BBOX1: variants seen among roughly 807,000 people sequenced by gnomAD.
BBOX1 encodes gamma-butyrobetaine dioxygenase.
Under a neutral mutation model 41.6 loss-of-function variants are expected in BBOX1, and 35 were observed. The observed-to-expected ratio is 0.84, with a 90% CI of 0.64 to 1.11. BBOX1 has a LOEUF of 1.11. BBOX1 is among the 50% of genes most tolerant of loss of function. BBOX1 has a pLI of 0.00. For missense variants in BBOX1, 458 were observed against 460.6 expected, an observed-to-expected ratio of 0.99 and a Z score of 0.05; for synonymous variants, 163 against 154.7, an observed-to-expected ratio of 1.05 and a Z score of -0.40.
At chr11:27,093,960 CTG>C (rs1590207125) in intron 5 of BBOX1, among the ~76,000 whole-genome samples, 1 of 151,948 alleles carries the variant, frequency 6.6e-6, no homozygotes, top group African/African-American at 2.4e-5. Context: ...AGATGAAAGA[CTG>C]TGTTTCTCCA....
chr11:27,093,862 T>A (rs1032824746), intron 5 of BBOX1, among the ~76,000 whole-genome samples: 5 of 151,922 alleles, frequency 3.3e-5, no homozygotes, highest in African/African-American at 1.2e-4. Context: ...TCCTATTAGC[T>A]TAGGGCCCAG....
intron 4 of BBOX1, among the ~76,000 whole-genome samples, chr11:27,089,992 G>C (rs1858181717): frequency 6.6e-6 from 1 of 151,942 alleles, no homozygotes; most frequent in Admixed American, 6.6e-5. Flanking sequence ...AATGGGAGTG[G>C]CAAAGCAAAC....
intron 4 of BBOX1, among the ~76,000 whole-genome samples, chr11:27,076,423 A>G (rs544418927): frequency 1.3e-5 from 2 of 152,322 alleles, no homozygotes; most frequent in East Asian, 3.9e-4. Context: ...CAACGGTGAT[A>G]GCTGAGGTAA....
intron 5 of BBOX1, among the ~76,000 whole-genome samples, chr11:27,112,576 ATGGTTC>A (rs766547518): frequency 6.6e-5 from 10 of 152,034 alleles, no homozygotes; most frequent in Non-Finnish European, 1.3e-4. Flanking sequence ...TATTCAATAA[ATGGTTC>A]TGGGATAACT....
chr11:27,106,367 T>C (rs1858863730), intron 5 of BBOX1, among the ~76,000 whole-genome samples: 2 of 151,482 alleles, frequency 1.3e-5, no homozygotes, highest in South Asian at 2.1e-4. Context: ...GAGACACAAA[T>C]AGGCTCAAAA....
At chr11:27,105,619 G>T (rs2134072009) in intron 5 of BBOX1, among the ~76,000 whole-genome samples, 1 of 152,262 alleles carries the variant, frequency 6.6e-6, no homozygotes, top group South Asian at 2.1e-4. Flanking sequence ...ACTTCTGATT[G>T]GGGTACCTGA....
At chr11:27,081,217 G>T (rs751406252) in intron 4 of BBOX1, among the ~76,000 whole-genome samples, 1 of 152,214 alleles carries the variant, frequency 6.6e-6, no homozygotes, top group Admixed American at 6.5e-5. Context: ...CATGAATCCA[G>T]GAGACAAATA....
chr11:27,055,996 A>C (rs1488350171), intron 3 of BBOX1, among the ~76,000 whole-genome samples: 1 of 152,052 alleles, frequency 6.6e-6, no homozygotes, highest in Non-Finnish European at 1.5e-5. Context: ...CTCTCTTCCA[A>C]ATTTACTAGG....
intron 5 of BBOX1, among the ~76,000 whole-genome samples, chr11:27,101,442 C>G (rs1353482611): frequency 1.3e-5 from 2 of 152,064 alleles, no homozygotes; most frequent in East Asian, 1.9e-4. Flanking sequence ...TTGACTGCCT[C>G]CAACTCAAAA....
chr11:27,090,791 C>T (rs1372908987), intron 4 of BBOX1, among the ~76,000 whole-genome samples: 1 of 151,878 alleles, frequency 6.6e-6, no homozygotes, highest in Non-Finnish European at 1.5e-5. Flanking sequence ...ATTCCCAGAG[C>T]AGCCGTTTAT....
At chr11:27,069,064 A>AT (rs1464924164) in intron 4 of BBOX1, among the ~76,000 whole-genome samples, 17 of 148,900 alleles carry the variant, frequency 1.1e-4, no homozygotes, top group Non-Finnish European at 1.9e-4. Flanking sequence ...GCTCTTTTTT[A>AT]TTTTTTTGGT....
At chr11:27,082,472 A>C (rs1312863299) in intron 4 of BBOX1, among the ~76,000 whole-genome samples, 1 of 152,120 alleles carries the variant, frequency 6.6e-6, no homozygotes, top group Admixed American at 6.6e-5. Context: ...GCCAACTCTA[A>C]GGAAGTCTGG....
At chr11:27,067,342 C>A (rs978940245) in intron 4 of BBOX1, among the ~76,000 whole-genome samples, 2 of 151,922 alleles carry the variant, frequency 1.3e-5, no homozygotes, top group Non-Finnish European at 2.9e-5. Context: ...TACGTTGTAA[C>A]GAATATGTCA....
At chr11:27,054,327 T>C (rs1856911273) in intron 2 of BBOX1, among the ~76,000 whole-genome samples, 1 of 152,100 alleles carries the variant, frequency 6.6e-6, no homozygotes, top group African/African-American at 2.4e-5. Flanking sequence ...CTGTTAATGA[T>C]GAGCAGATCA....
chr11:27,070,060 G>T (rs2165770), intron 4 of BBOX1, among the ~76,000 whole-genome samples: 150,189 of 152,252 alleles, frequency 0.99, 74,123 homozygotes, highest in East Asian at 1. Context: ...AATTTCCATG[G>T]GTTTGTATTG....
At chr11:27,105,174 A>T (rs1039337395) in intron 5 of BBOX1, among the ~76,000 whole-genome samples, 2 of 152,182 alleles carry the variant, frequency 1.3e-5, no homozygotes, top group Non-Finnish European at 2.9e-5. Flanking sequence ...AATTCTAAAA[A>T]TCAGAGCACC....
chr11:27,112,421 T>C (rs1427740299), intron 5 of BBOX1, among the ~76,000 whole-genome samples: 1 of 151,824 alleles, frequency 6.6e-6, no homozygotes, highest in Non-Finnish European at 1.5e-5. Context: ...TGAGCAATAG[T>C]TTCAAGAGTG....
At position 27,127,729 on chromosome 11, in the gene BBOX1, CAAAT is replaced by C; in HGVS notation, c.*278_*281del. The stretch of plus-strand genomic sequence containing the variant: ...TATATGAGTATCTCCAGAATGTCTA[CAAAT>C]AGTTTTTGTAGCAAATGAAAATTTC... On this transcript the variant is annotated 3_prime_UTR_variant, in exon 9 of 9. Coordinates refer to ENST00000263182, the MANE Select transcript of BBOX1 (RefSeq NM_003986.3). 1 of 305,528 alleles carries C rather than the reference CAAAT, an allele frequency of 3.3e-6. No homozygotes were observed. 18.9% of individuals were successfully genotyped at this position (305,528 alleles called of 1,614,324 possible).
intron 6 of BBOX1, among the ~76,000 whole-genome samples, chr11:27,117,926 G>A (rs957623970): frequency 6.6e-6 from 1 of 151,898 alleles, no homozygotes; most frequent in Non-Finnish European, 1.5e-5. Context: ...TTTGATTAAG[G>A]AGGAACTTGG....
Sources: gnomAD v4.1 joint callset for allele counts (sites outside exome capture counted in the v4.1 genomes callset) on GRCh38, gnomAD v4.1.1 for gene constraint, MANE v1.5 for transcripts, NCBI Gene and HGNC (gene_info 2026-07-23, HGNC 2026-07-21) for gene names.